The following DDIAS variants were observed in gnomAD, a reference collection of about 807,000 sequenced individuals.
DDIAS encodes DNA damage induced apoptosis suppressor.
A neutral mutation model predicts 15.7 loss-of-function variants in DDIAS; 14 were observed. That is an observed-to-expected ratio of 0.89 (90% CI 0.59 to 1.39). The LOEUF is 1.39. Among genes scored for constraint, DDIAS ranks in the 40% most tolerant of loss-of-function variants. The probability of loss-of-function intolerance (pLI) is 0.00; values close to 1 mark genes in which losing one functional copy is unlikely to be tolerated. For missense variants in DDIAS, 1,035 were observed against 1,130.9 expected, an observed-to-expected ratio of 0.92 and a Z score of 1.22; for synonymous variants, 355 against 395.9, an observed-to-expected ratio of 0.90 and a Z score of 1.23.
At chr11:82,903,658 T>C (rs1369045605) in intron 1 of DDIAS, among the ~76,000 whole-genome samples, 4 of 152,246 alleles carry the variant, frequency 2.6e-5, no homozygotes, top group Admixed American at 6.5e-5. Flanking sequence ...CTAAATTATT[T>C]TTTAGGGACT....
At position 82,933,893 on chromosome 11, in the gene DDIAS, C is replaced by T. The variant is rs761627065; in HGVS notation, c.2555C>T (p.Pro852Leu). The T allele has an allele frequency of 3.7e-6, 6 of 1,613,984 alleles. No individual in the cohort carries two copies. The highest frequency in any genetic ancestry group is 3.3e-5 in the Admixed American group (2 of 59,976). ...VSQPDVFNHYPFAECHETDSD... is the reference protein window; with the variant it reads ...VSQPDVFNHYLFAECHETDSD... ...CAACCAGACGTTTTCAATCACTACC[C>T]TTTTGCTGAGTGCCATGAAACTGAT... Residue 852 changes from proline (P) to leucine (L), a missense_variant, in exon 6 of 6, where the codon CCT (proline) becomes CTT (leucine). Pro to Leu is a moderately conservative substitution (Grantham distance 98, BLOSUM62 -3). Transcript: ENST00000533655.
At position 82,931,782 on chromosome 11, in the gene DDIAS, G is replaced by T. The variant is rs1382473310; in HGVS notation, c.444G>T (p.Gln148His). ...GQGSDASNFL[Q>H]QCSDHKRKAK... Reference sequence around the variant, plus strand: ...GTTCAGATGCCAGTAACTTCTTACAGCAATGCTCTGACCACAAAAGAAAAG... The same window carrying T: ...GTTCAGATGCCAGTAACTTCTTACATCAATGCTCTGACCACAAAAGAAAAG... The change falls in exon 6 of 6, where the codon CAG (glutamine) becomes CAT (histidine). Residue 148 changes from glutamine (Q) to histidine (H), a missense_variant. Coordinates refer to ENST00000533655, the MANE Select transcript of DDIAS (RefSeq NM_145018.4). 3 of 1,613,826 alleles carry T rather than the reference G, an allele frequency of 1.9e-6. No homozygotes were observed. The highest frequency in any genetic ancestry group is 2.5e-6 in the Non-Finnish European group (3 of 1,179,950).
At position 82,931,974 on chromosome 11, in the gene DDIAS, T is replaced by G; in HGVS notation, c.636T>G (p.Ser212Arg). The G allele has an allele frequency of 6.2e-7, 1 of 1,614,152 alleles. No individual in the cohort carries two copies. The highest frequency in any genetic ancestry group is 1.6e-4 in the Middle Eastern group (1 of 6,062). ...NHLLALDHSN[S>R]DLSSIYTSDS... is the part of the protein sequence containing the mutation. The stretch of plus-strand genomic sequence containing the variant: ...TACTTGCTTTAGATCACTCAAATAG[T>G]GATCTCAGCAGCATATATACTTCTG... The change falls in exon 6 of 6, where the codon AGT becomes AGG. Residue 212 changes from serine to arginine, a missense_variant. Ser to Arg is a moderately radical substitution (Grantham distance 110). Transcript: ENST00000533655.
Position 82,933,694 on chromosome 11 carries a change from C to T in DDIAS, c.2356C>T (p.His786Tyr), listed in dbSNP as rs772542580. 6.2e-7 allele frequency: 1 copy of T among 1,614,024 alleles called. No individual in the cohort carries two copies. Among genetic ancestry groups the T allele is most frequent in the South Asian group, 1.1e-5 (1 of 91,042 alleles). Residue 786 changes from histidine (H) to tyrosine (Y), a missense_variant, in exon 6 of 6, where the codon CAT becomes TAT. By Grantham distance (83) the His-to-Tyr change is moderately conservative. Coordinates refer to ENST00000533655, the MANE Select transcript of DDIAS (RefSeq NM_145018.4). ...PISGFHQTRI[H>Y]GINRAFKKPV... ...TTCAGGGTTCCACCAAACAAGAATT[C>T]ATGGGATAAACAGAGCTTTCAAAAA...
At chr11:82,905,702 C>T (rs1860415474) in intron 1 of DDIAS, among the ~76,000 whole-genome samples, 1 of 152,102 alleles carries the variant, frequency 6.6e-6, no homozygotes, top group Non-Finnish European at 1.5e-5. Context: ...TTACACTAGA[C>T]TGTAAGTCTA....
chr11:82,934,326 G>A lies in DDIAS; in HGVS notation c.2988G>A (p.Leu996=). The A allele has an allele frequency of 6.3e-7, 1 of 1,582,904 alleles. No individual in the cohort carries two copies. The highest frequency in any genetic ancestry group is 8.6e-7 in the Non-Finnish European group (1 of 1,167,600). The change falls in exon 6 of 6, where the codon TTG becomes TTA. Residue 996 remains leucine (L), a synonymous_variant. Transcript: ENST00000533655. Reference sequence around the variant, plus strand: ...CTCGAAGTGCTTGGTCACCTGAATTGTTTTCATAAAAAGTCACCTGAACCC... The same window carrying A: ...CTCGAAGTGCTTGGTCACCTGAATTATTTTCATAAAAAGTCACCTGAACCC... The part of the protein sequence containing the change: ...CETRSAWSPE[L]FS
Position 82,913,371 on chromosome 11 carries a change from G to A in DDIAS, c.-32G>A, listed in dbSNP as rs1860562572. 1 of 172,132 alleles carries A rather than the reference G, an allele frequency of 5.8e-6. No individual in the cohort carries two copies. Among genetic ancestry groups the A allele is most frequent in the Non-Finnish European group, 1.2e-5 (1 of 80,846 alleles). The allele number at this position is 172,132 out of a possible 1,614,324, so 10.7% of individuals were successfully genotyped here. A position where few individuals can be genotyped will look rare whatever the true frequency, so the allele number is the denominator to read the frequency against. On this transcript the variant is annotated 5_prime_UTR_variant, in exon 2 of 6. Transcript: ENST00000533655. ...TGATCCTCCTGCCTTAGCCTCCCAA[G>A]CAGCTGGTATTACAGGTACGTGCCA...
intron 1 of DDIAS, among the ~76,000 whole-genome samples, chr11:82,912,089 T>G (rs1860539334): frequency 6.6e-6 from 1 of 152,160 alleles, no homozygotes; most frequent in Non-Finnish European, 1.5e-5. Context: ...GCAGAGTAGA[T>G]TCAGCATAAT....
chr11:82,902,519 C>T (rs1860342002), intron 1 of DDIAS, among the ~76,000 whole-genome samples: 1 of 152,168 alleles, frequency 6.6e-6, no homozygotes. Context: ...CTTTCAGTCG[C>T]TCCTATTTGC....
At chr11:82,923,611 C>G (rs1446397408) in intron 3 of DDIAS, among the ~76,000 whole-genome samples, 1 of 152,104 alleles carries the variant, frequency 6.6e-6, no homozygotes, top group Non-Finnish European at 1.5e-5. Context: ...TCTGCAGAGC[C>G]TTGGGGCTCC....
rs1860954396 is a variant in DDIAS at position 82,930,209 on chromosome 11, CAG to C, written c.330_331del (p.Asn111SerfsTer4). 3 of 1,604,536 alleles carry C rather than the reference CAG, an allele frequency of 1.9e-6. No individual in the cohort carries two copies. The highest frequency in any genetic ancestry group is 2.6e-6 in the Non-Finnish European group (3 of 1,174,564). The part of the protein sequence containing the change: ...IPETLDNDTT[Q>X]NLLTKAVETC... ...AGAAACACTGGACAATGATACAACT[CAG>C]AATCTATTAACTAAAGCAGTTGAAA... On this transcript the variant is annotated frameshift_variant, in exon 5 of 6. Coordinates refer to ENST00000533655, the MANE Select transcript of DDIAS (RefSeq NM_145018.4). LOFTEE classifies it high-confidence loss of function.
intron 3 of DDIAS, 50 bp from the exon 4 acceptor site, chr11:82,928,727 T>C (rs1565249817): frequency 1.3e-6 from 2 of 1,578,308 alleles, no homozygotes; most frequent in East Asian, 2.2e-5. Flanking sequence ...TTTCATCATA[T>C]GAAAAACATT....
chr11:82,910,111 C>A (rs1239538550), intron 1 of DDIAS, among the ~76,000 whole-genome samples: 1 of 152,134 alleles, frequency 6.6e-6, no homozygotes, highest in African/African-American at 2.4e-5. Flanking sequence ...TCAAAAACAG[C>A]ATCACCCATT....
At chr11:82,917,975 G>A (rs895005791) in intron 3 of DDIAS, among the ~76,000 whole-genome samples, 3 of 152,132 alleles carry the variant, frequency 2.0e-5, no homozygotes, top group Non-Finnish European at 4.4e-5. Flanking sequence ...ACTGTTTGAT[G>A]GGATTGCTTG....
chr11:82,929,341 G>A (rs1299609282), intron 4 of DDIAS, among the ~76,000 whole-genome samples: 9 of 152,194 alleles, frequency 5.9e-5, no homozygotes, highest in Admixed American at 5.9e-4. Context: ...TTTTTTATCT[G>A]TATTGCAATT....
chr11:82,927,037 C>T (rs1340633226), intron 3 of DDIAS, among the ~76,000 whole-genome samples: 1 of 152,062 alleles, frequency 6.6e-6, no homozygotes, highest in Non-Finnish European at 1.5e-5. Flanking sequence ...GGGTTTGGGT[C>T]ATATATTTAC....
intron 3 of DDIAS, among the ~76,000 whole-genome samples, chr11:82,920,496 T>C (rs1489561895): frequency 6.6e-6 from 1 of 152,226 alleles, no homozygotes; most frequent in Non-Finnish European, 1.5e-5. Context: ...TTCAGTCTTT[T>C]TGATGTAGGC....
chr11:82,919,594 A>G (rs1210318528), intron 3 of DDIAS, among the ~76,000 whole-genome samples: 1 of 152,182 alleles, frequency 6.6e-6, no homozygotes, highest in Non-Finnish European at 1.5e-5. Flanking sequence ...TTTGGGTATT[A>G]GGGTGATGTC....
chr11:82,921,559 TTTTC>T (rs1209101783), intron 3 of DDIAS, among the ~76,000 whole-genome samples: 5 of 135,474 alleles, frequency 3.7e-5, no homozygotes, highest in African/African-American at 5.4e-5. Flanking sequence ...TTCACAGTTT[TTTTC>T]TTTCTTTCTT....
Sources: allele counts gnomAD v4.1 joint callset (sites outside exome capture counted in the v4.1 genomes callset), GRCh38; gene constraint gnomAD v4.1.1; transcripts MANE v1.5; gene names NCBI Gene and HGNC (gene_info 2026-07-23, HGNC 2026-07-21).